Variants in ITSN1 observed in about 807,000 individuals in gnomAD.
ITSN1 encodes intersectin 1.
In ITSN1, 58 loss-of-function variants were observed where a neutral mutation model predicts 239.8. The ratio of observed to expected loss-of-function variants is 0.24; its 90% confidence interval spans 0.20 to 0.30. The LOEUF is 0.30. Among genes scored for constraint, ITSN1 ranks in the 10% least tolerant of loss-of-function variants. The pLI is 1.00. For synonymous variants in ITSN1, 780 were observed against 770.8 expected, an observed-to-expected ratio of 1.01 and a Z score of -0.20; for missense variants, 1,558 against 2,103.3, an observed-to-expected ratio of 0.74 and a Z score of 5.07.
At chr21:33,732,872 C>G (rs535870204) in intron 4 of ITSN1, among the ~76,000 whole-genome samples, 1 of 151,844 alleles carries the variant, frequency 6.6e-6, no homozygotes, top group Admixed American at 6.6e-5. Flanking sequence ...ATACATTTAG[C>G]AAGAAAAGCA....
At chr21:33,739,380 C>T (rs997845471) in intron 5 of ITSN1, among the ~76,000 whole-genome samples, 2 of 152,004 alleles carry the variant, frequency 1.3e-5, no homozygotes, top group Non-Finnish European at 2.9e-5. Context: ...TTTTGTTTTG[C>T]CAGAGTACAT....
At chr21:33,858,530 G>A (rs1006520628) in intron 30 of ITSN1, among the ~76,000 whole-genome samples, 156 bp from the exon 31 acceptor site, 2 of 152,186 alleles carry the variant, frequency 1.3e-5, no homozygotes, top group Admixed American at 1.3e-4. Flanking sequence ...GGGGCTCTCT[G>A]CTTCAGAAAC....
chr21:33,805,288 ATTGT>A (rs1209897013), intron 20 of ITSN1, among the ~76,000 whole-genome samples: 2 of 152,250 alleles, frequency 1.3e-5, no homozygotes, highest in African/African-American at 2.4e-5. Flanking sequence ...CATTCTGGAA[ATTGT>A]TTGTCTTAGT....
At position 33,838,277 on chromosome 21, in the gene ITSN1, C is replaced by T. The variant is rs1802358; in HGVS notation, c.3661+1645C>T. On this transcript the variant is annotated intron_variant, in intron 29 of 39. Transcript: ENST00000381318. ...AATGCTCACTCCCCTCGCGTTCTCC[C>T]GGCGCTGTCGGGAGGCTGTGCTGGT... 4.1e-3 allele frequency: 4,020 copies of T among 985,336 alleles called. 120 individuals are homozygous for T. The African/African-American group carries it at 0.064, about 16-fold the overall frequency. The allele number at this position is 985,336 out of a possible 1,614,324, so 61.0% of individuals were successfully genotyped here.
intron 16 of ITSN1, among the ~76,000 whole-genome samples, chr21:33,793,505 CAG>C (rs1421115687): frequency 6.6e-6 from 1 of 152,196 alleles, no homozygotes; most frequent in African/African-American, 2.4e-5. Flanking sequence ...TCTATGGAAT[CAG>C]GGAGTTTCTT....
In ITSN1 at chr21:33,725,881, G is replaced by A. The variant is rs7278431; in HGVS notation, c.185+3230G>A. Among the ~76,000 whole-genome samples, 1,134 of 152,302 alleles carry A rather than the reference G, an allele frequency of 7.4e-3. 10 individuals carry two copies. Among genetic ancestry groups the A allele is most frequent in the African/African-American group, 0.026 (1,074 of 41,568 alleles). On this transcript the variant is annotated intron_variant, in intron 4 of 39. Transcript: ENST00000381318. Reference sequence around the variant, plus strand: ...TGCCCAGATGATGGAATAATGCAGTGCAAATTATGAGTTTAGCAAGATCTG... The same window carrying A: ...TGCCCAGATGATGGAATAATGCAGTACAAATTATGAGTTTAGCAAGATCTG...
intron 1 of ITSN1, among the ~76,000 whole-genome samples, chr21:33,700,622 TAA>T (rs1283001160): frequency 3.3e-5 from 5 of 152,184 alleles, no homozygotes; most frequent in Non-Finnish European, 7.3e-5. Context: ...AGTAGGTTCT[TAA>T]TTACTGACAC....
At chr21:33,814,128 T>G in intron 22 of ITSN1, 56 bp downstream of exon 22, 1 of 1,563,300 alleles carries the variant, frequency 6.4e-7, no homozygotes, top group Non-Finnish European at 8.7e-7. Context: ...TGCCAAAAAC[T>G]TCAGCAAATG....
At chr21:33,823,949 T>G (rs2073833248) in intron 25 of ITSN1, among the ~76,000 whole-genome samples, 1 of 152,242 alleles carries the variant, frequency 6.6e-6, no homozygotes, top group South Asian at 2.1e-4. Context: ...GTAACTGACT[T>G]ACGCTTTGGA....
intron 3 of ITSN1, 82 bp from the exon 4 acceptor site, chr21:33,722,506 T>TCC: frequency 1.3e-6 from 2 of 1,489,594 alleles, no homozygotes. Flanking sequence ...CTTTGTAAAT[T>TCC]TTGTAATTTT....
chr21:33,722,774 TATCTTGTTACTTCTTACCAG>T, intron 4 of ITSN1, 123 bp downstream of exon 4: 2 of 930,990 alleles, frequency 2.1e-6, no homozygotes, highest in Non-Finnish European at 2.9e-6. Flanking sequence ...TAGCCTGAAA[TATCTTGTTACTTCTTACCAG>T]AGAGTTATGT....
intron 1 of ITSN1, among the ~76,000 whole-genome samples, chr21:33,717,776 C>T (rs1399731185): frequency 2.0e-5 from 3 of 152,082 alleles, no homozygotes; most frequent in African/African-American, 2.4e-5. Context: ...ACCGTGTTAG[C>T]TAGGATGGTC....
chr21:33,688,857 AGTGCAGTG>A lies in ITSN1; in HGVS notation c.-32-29922_-32-29915del, dbSNP rs59291688. Among the ~76,000 whole-genome samples, 1,276 of 147,832 alleles carry A rather than the reference AGTGCAGTG, an allele frequency of 8.6e-3. 20 individuals carry two copies. Among genetic ancestry groups the A allele is most frequent in the African/African-American group, 0.029 (1,157 of 39,808 alleles). The stretch of plus-strand genomic sequence containing the variant: ...GTTTCGCTCCTGTCACCCAGGCTGG[AGTGCAGTG>A]GTGCAGTGGTGCAGTGGCACGATCT... On this transcript the variant is annotated intron_variant, in intron 1 of 39. Transcript: ENST00000381318.
At chr21:33,851,609 G>A (rs556488820) in intron 29 of ITSN1, among the ~76,000 whole-genome samples, 1 of 151,598 alleles carries the variant, frequency 6.6e-6, no homozygotes, top group South Asian at 2.1e-4. Context: ...ATGTTGGCCA[G>A]GCTGGTCTTG....
intron 1 of ITSN1, among the ~76,000 whole-genome samples, chr21:33,665,143 A>G (rs904368447): frequency 9.9e-5 from 15 of 152,006 alleles, no homozygotes; most frequent in East Asian, 5.8e-4. Context: ...GGTGCTTGTA[A>G]TCCCAGCTAC....
intron 24 of ITSN1, among the ~76,000 whole-genome samples, chr21:33,820,322 C>A: frequency 6.6e-6 from 1 of 152,240 alleles, no homozygotes; most frequent in Non-Finnish European, 1.5e-5. Context: ...CACATCCTAA[C>A]TGGAGAGTGC....
chr21:33,661,813 A>G (rs947867841), intron 1 of ITSN1, among the ~76,000 whole-genome samples: 8 of 151,720 alleles, frequency 5.3e-5, no homozygotes, highest in Admixed American at 6.6e-5. Context: ...CTCTCTTGTG[A>G]CCGCCATGTG....
chr21:33,750,401 A>G (rs2067471595), intron 6 of ITSN1, 79 bp downstream of exon 6: 3 of 1,266,560 alleles, frequency 2.4e-6, no homozygotes. Context: ...TTTTCTCTTC[A>G]CGTTCTGATT....
intron 29 of ITSN1, chr21:33,837,593 A>T: frequency 1.0e-6 from 1 of 985,936 alleles, no homozygotes; most frequent in Non-Finnish European, 1.2e-6. Flanking sequence ...AATGAGCCCA[A>T]TTAAAGCGAA....
Sources: gnomAD v4.1 joint callset for allele counts (sites outside exome capture counted in the v4.1 genomes callset) on GRCh38, gnomAD v4.1.1 for gene constraint, MANE v1.5 for transcripts, NCBI Gene and HGNC (gene_info 2026-07-23, HGNC 2026-07-21) for gene names.